The following RBFOX1 variants were observed in gnomAD, a reference collection of about 807,000 sequenced individuals.
The protein encoded by RBFOX1 is RNA binding protein fox-1 homolog 1.
RBFOX1 carries 8 observed loss-of-function variants against 57.7 expected under a neutral mutation model. That is an observed-to-expected ratio of 0.14 (90% confidence interval 0.08 to 0.25). RBFOX1 has a LOEUF of 0.25. Ranked by LOEUF, RBFOX1 falls within the 10% of genes least tolerant of loss-of-function variation. The pLI, the probability that RBFOX1 is intolerant of heterozygous loss-of-function variation, is 1.00. For synonymous variants in RBFOX1, 326 were observed against 222.4 expected (o/e 1.47, Z -4.15); for missense variants, 611 against 548.5 (o/e 1.11, Z -1.14).
chr16:6,571,697 A>C (rs1267098939), intron 2 of RBFOX1, among the ~76,000 whole-genome samples: 4 of 152,176 alleles, frequency 2.6e-5, no homozygotes. Context: ...TGAATAGAGC[A>C]AAAGGATCAG....
Position 6,899,197 on chromosome 16 carries a change from A to G in RBFOX1, c.-15-152860A>G, listed in dbSNP as rs919538992. 1.2e-4 allele frequency among the ~76,000 whole-genome samples: 17 copies of G among 147,812 alleles called. No individual in the cohort carries two copies. The East Asian group carries it at 2.1e-3, about 19-fold the overall frequency. ...GTGTGTATAATATGTGTGTGAGTGC[A>G]TATGTGTGTATATGTGTGTGTATGT... On this transcript the variant is annotated intron_variant, in intron 3 of 15. Coordinates refer to ENST00000550418, the MANE Select transcript of RBFOX1 (RefSeq NM_018723.4).
At chr16:5,847,370 GT>G (rs1465629246) in intron 3 of RBFOX1, among the ~76,000 whole-genome samples, 1 of 146,906 alleles carries the variant, frequency 6.8e-6, no homozygotes, top group African/African-American at 2.5e-5. Context: ...AAAAATGGGG[GT>G]GGGGGGGGAA....
At chr16:6,842,632 G>GTT (rs5815348) in intron 3 of RBFOX1, among the ~76,000 whole-genome samples, 54 of 145,104 alleles carry the variant, frequency 3.7e-4, no homozygotes, top group Middle Eastern at 3.6e-3. Flanking sequence ...CATTTAGACT[G>GTT]TTTTTTTTAA....
intron 3 of RBFOX1, among the ~76,000 whole-genome samples, chr16:5,664,293 T>C (rs1037463448): frequency 6.6e-6 from 1 of 152,186 alleles, no homozygotes; most frequent in African/African-American, 2.4e-5. Context: ...CTCACGCCTA[T>C]AATCCCAGCA....
At chr16:5,880,140 A>G (rs947139249) in intron 4 of RBFOX1, among the ~76,000 whole-genome samples, 1 of 152,136 alleles carries the variant, frequency 6.6e-6, no homozygotes, top group Non-Finnish European at 1.5e-5. Context: ...GCACTCTTTT[A>G]TGCACTTTGT....
chr16:6,838,985 T>C (rs1040898138), intron 3 of RBFOX1, among the ~76,000 whole-genome samples: 2 of 151,974 alleles, frequency 1.3e-5, no homozygotes, highest in South Asian at 4.2e-4. Flanking sequence ...CATCATTTTC[T>C]TTTTTTTCTT....
intron 3 of RBFOX1, among the ~76,000 whole-genome samples, chr16:6,746,620 G>A (rs2073722647): frequency 2.0e-5 from 3 of 151,982 alleles, no homozygotes; most frequent in South Asian, 2.1e-4. Context: ...TGAGGCTGCA[G>A]TGACCTGTGA....
intron 3 of RBFOX1, among the ~76,000 whole-genome samples, chr16:5,641,214 CAT>C (rs2048862586): frequency 1.3e-5 from 2 of 152,288 alleles, no homozygotes; most frequent in African/African-American, 4.8e-5. Flanking sequence ...ACCATGCATA[CAT>C]ACATGCATGC....
At chr16:7,363,459 A>T (rs898884260) in intron 4 of RBFOX1, among the ~76,000 whole-genome samples, 3 of 151,872 alleles carry the variant, frequency 2.0e-5, no homozygotes, top group African/African-American at 4.8e-5. Context: ...GCCAGATTCA[A>T]TCCTTCCTCC....
intron 5 of RBFOX1, among the ~76,000 whole-genome samples, chr16:7,573,232 A>C (rs12930721): frequency 6.6e-6 from 1 of 151,748 alleles, no homozygotes; most frequent in Non-Finnish European, 1.5e-5. Flanking sequence ...TGCAAAGACC[A>C]AAGATGGGGT....
chr16:6,398,584 A>G (rs1045416461), intron 2 of RBFOX1, among the ~76,000 whole-genome samples: 2 of 152,186 alleles, frequency 1.3e-5, no homozygotes, highest in Non-Finnish European at 2.9e-5. Context: ...TGAGTCCAAA[A>G]TCCATTAGGG....
rs1268540834 is a variant in RBFOX1 at position 5,389,381 on chromosome 16, C to T, written c.220-77835C>T. On this transcript the variant is annotated intron_variant, in intron 1 of 2. Coordinates refer to the RBFOX1 transcript ENST00000585867. ...TGGATCATTCTGTTGTGGGGGTTGC[C>T]TTGTGCCTCATACGATGTTGAGCAG... 2.0e-5 allele frequency among the ~76,000 whole-genome samples: 3 copies of T among 152,062 alleles called. No homozygotes were observed. In the East Asian group the frequency reaches 5.8e-4, roughly 30 times the overall value.
intron 3 of RBFOX1, among the ~76,000 whole-genome samples, chr16:6,903,110 G>C (rs978980912): frequency 1.3e-5 from 2 of 152,174 alleles, no homozygotes; most frequent in African/African-American, 4.8e-5. Flanking sequence ...CTTCTTGGAG[G>C]ACGCGATTCT....
intron 4 of RBFOX1, among the ~76,000 whole-genome samples, chr16:5,895,176 G>A (rs958980692): frequency 6.6e-6 from 1 of 152,200 alleles, no homozygotes; most frequent in Non-Finnish European, 1.5e-5. Flanking sequence ...AACATTTCAT[G>A]CCCTTGCCTG....
intron 2 of RBFOX1, among the ~76,000 whole-genome samples, chr16:6,650,685 C>T (rs145430366): frequency 2.0e-5 from 3 of 152,160 alleles, no homozygotes; most frequent in African/African-American, 7.2e-5. Context: ...ATTTGCTATA[C>T]GAGTCTTCAC....
At chr16:5,631,317 G>T (rs2048498940) in intron 3 of RBFOX1, among the ~76,000 whole-genome samples, 1 of 152,278 alleles carries the variant, frequency 6.6e-6, no homozygotes, top group South Asian at 2.1e-4. Flanking sequence ...CCAGCATTTT[G>T]GGAAGCCGAG....
At chr16:6,626,735 G>A (rs1439634969) in intron 2 of RBFOX1, among the ~76,000 whole-genome samples, 1 of 151,804 alleles carries the variant, frequency 6.6e-6, no homozygotes, top group African/African-American at 2.4e-5. Context: ...ACCCCAGCCT[G>A]GATGACAGAG....
chr16:7,668,545 G>A (rs531585864), intron 13 of RBFOX1, among the ~76,000 whole-genome samples: 1 of 152,246 alleles, frequency 6.6e-6, no homozygotes, highest in South Asian at 2.1e-4. Context: ...TAGCCACAGT[G>A]GAGAGGTGCA....
At chr16:5,635,666 C>T (rs745799764) in intron 3 of RBFOX1, among the ~76,000 whole-genome samples, 3 of 152,106 alleles carry the variant, frequency 2.0e-5, no homozygotes, top group Non-Finnish European at 2.9e-5. Flanking sequence ...CTCTCTATGC[C>T]AAAAGTTGAG....
Sources: allele counts gnomAD v4.1 joint callset (sites outside exome capture counted in the v4.1 genomes callset), GRCh38; gene constraint gnomAD v4.1.1; transcripts MANE v1.5; gene names NCBI Gene and HGNC (gene_info 2026-07-23, HGNC 2026-07-21).